The following SLC35G1 variants were observed in gnomAD, a reference collection of about 807,000 sequenced individuals.
SLC35G1 encodes the protein partner of STIM1.
In SLC35G1, 10 loss-of-function variants were observed where a neutral mutation model predicts 17.1. The ratio of observed to expected loss-of-function variants is 0.59; its 90% CI spans 0.36 to 0.99. The LOEUF (loss-of-function observed/expected upper bound fraction) is 0.99, where lower values mean the gene tolerates loss of function less well. Ranked by LOEUF, SLC35G1 falls within the 50% of genes least tolerant of loss-of-function variation. SLC35G1 has a pLI of 0.01. For synonymous variants in SLC35G1, 185 were observed against 181.1 expected, an observed-to-expected ratio of 1.02 and a Z score of -0.18; for missense variants, 433 against 468.4, an observed-to-expected ratio of 0.92 and a Z score of 0.70.
intron 1 of SLC35G1, among the ~76,000 whole-genome samples, chr10:93,898,369 A>C (rs557922848): frequency 4.6e-5 from 7 of 152,294 alleles, no homozygotes; most frequent in Admixed American, 3.3e-4. Context: ...GGCATTTTAA[A>C]AATGCAGGTT....
At chr10:93,900,698 T>G (rs1282567320) in intron 2 of SLC35G1, 54 bp from the exon 3 acceptor site, 27 of 1,411,960 alleles carry the variant, frequency 1.9e-5, no homozygotes, top group Non-Finnish European at 2.5e-5. Flanking sequence ...AAATTGTAAT[T>G]TAAAAACAAA....
rs2060301246 is a variant in SLC35G1 at position 93,893,996 on chromosome 10, C to T, written c.-38C>T. The T allele has an allele frequency of 7.5e-7, 1 of 1,341,274 alleles. No individual in the cohort carries two copies. Among genetic ancestry groups the T allele is most frequent in the Non-Finnish European group, 9.5e-7 (1 of 1,050,814 alleles). 83.1% of individuals were successfully genotyped at this position (1,341,274 alleles called of 1,614,324 possible). A position where few individuals can be genotyped will look rare whatever the true frequency, so the allele number is the denominator to read the frequency against. ...GCAGCCCAGGCGCTGCTGCTGGCGCCAGACGGCACCGGCCGCTGGTAGAGC... is the reference window on the plus strand; with the variant it reads ...GCAGCCCAGGCGCTGCTGCTGGCGCTAGACGGCACCGGCCGCTGGTAGAGC... On this transcript the variant is annotated 5_prime_UTR_variant, in exon 1 of 3. Coordinates refer to ENST00000427197, the MANE Select transcript of SLC35G1 (RefSeq NM_001134658.3).
chr10:93,897,206 T>C lies in SLC35G1; in HGVS notation c.179-1365T>C, dbSNP rs575779691. Among the ~76,000 whole-genome samples, 10 of 152,246 alleles carry C rather than the reference T, an allele frequency of 6.6e-5. No homozygotes were observed. The South Asian group carries it at 2.1e-3, about 32-fold the overall frequency. Reference sequence around the variant, plus strand: ...TAGAACAGGAAGAGGTAGAGAAGGGTGCCTTTGACCACAAGGCCAGGCTGT... The same window carrying C: ...TAGAACAGGAAGAGGTAGAGAAGGGCGCCTTTGACCACAAGGCCAGGCTGT... On this transcript the variant is annotated intron_variant, in intron 1 of 2. Transcript: ENST00000427197.
rs2060399864 is a variant in SLC35G1, at chr10:93,902,620, A to C, written c.*1130A>C. 6.5e-6 allele frequency: 1 copy of C among 152,746 alleles called. No individual in the cohort carries two copies. Among genetic ancestry groups the C allele is most frequent in the Non-Finnish European group, 1.5e-5 (1 of 68,030 alleles). The allele number at this position is 152,746 out of a possible 1,614,324, so 9.5% of individuals were successfully genotyped here. A position where few individuals can be genotyped will look rare whatever the true frequency, so the allele number is the denominator to read the frequency against. On this transcript the variant is annotated 3_prime_UTR_variant, in exon 3 of 3. Transcript: ENST00000427197. ...ATGTATTAAACTTATTTTTATAGTT[A>C]TGAAATTATGTGTAATAATGCTTTA...
chr10:93,908,942 A>G (rs2134075972), exon 3 of SLC35G1: 1 of 152,448 alleles, frequency 6.6e-6, no homozygotes, highest in African/African-American at 2.4e-5. Flanking sequence ...GCCAATCAGA[A>G]GAAAGGTGGC....
rs1266678958 is a variant in SLC35G1 at position 93,894,028 on chromosome 10, CGCGAGAT to C, written c.-2_5del. The C allele has an allele frequency of 4.2e-6, 6 of 1,415,530 alleles. No homozygotes were observed. The highest frequency in any genetic ancestry group is 5.5e-6 in the Non-Finnish European group (6 of 1,092,060). 87.7% of individuals were successfully genotyped at this position (1,415,530 alleles called of 1,614,324 possible). A position where few individuals can be genotyped will look rare whatever the true frequency, so the allele number is the denominator to read the frequency against. On this transcript the variant is annotated start_lost and 5_prime_UTR_variant, in exon 1 of 3. Coordinates refer to ENST00000427197, the MANE Select transcript of SLC35G1 (RefSeq NM_001134658.3). ...CACCGGCCGCTGGTAGAGCGCGTGC[CGCGAGAT>C]GCGGCCTCAGGACAGCACCGGGGTC...
chr10:93,901,251 T>C lies in SLC35G1; in HGVS notation c.859T>C (p.Phe287Leu). The C allele has an allele frequency of 1.2e-6, 2 of 1,613,970 alleles. No homozygotes were observed. Among genetic ancestry groups the C allele is most frequent in the Non-Finnish European group, 1.7e-6 (2 of 1,179,864 alleles). ...SLPYCGLDRL[F>L]LIFIGLFGLG... The stretch of plus-strand genomic sequence containing the variant: ...GCCTTACTGTGGGTTGGACAGGCTA[T>C]TTCTCATATTCATTGGGCTCTTTGG... Residue 287 changes from phenylalanine (F) to leucine (L), a missense_variant, in exon 3 of 3, where the codon TTT becomes CTT. Physicochemically the swap from Phe to Leu is conservative, Grantham distance 22 (BLOSUM62 0). Coordinates refer to ENST00000427197, the MANE Select transcript of SLC35G1 (RefSeq NM_001134658.3).
At chr10:93,899,538 C>T (rs572243804) in intron 2 of SLC35G1, among the ~76,000 whole-genome samples, 4 of 152,132 alleles carry the variant, frequency 2.6e-5, no homozygotes, top group Admixed American at 2.6e-4. Flanking sequence ...TGGTGGCTGC[C>T]TGGCTCTTTG....
chr10:93,901,160 G>T lies in SLC35G1; in HGVS notation c.768G>T (p.Trp256Cys). The change falls in exon 3 of 3, where the codon TGG becomes TGT. Residue 256 changes from tryptophan (W) to cysteine (C), a missense_variant. Trp to Cys is a radical substitution (Grantham distance 215). Transcript: ENST00000427197. ...CTGTGGACTACTTTCTGAGCATTTGGTATTATGTAGTACTTGGCCTCGTTG... is the reference window on the plus strand; with the variant it reads ...CTGTGGACTACTTTCTGAGCATTTGTTATTATGTAGTACTTGGCCTCGTTG... ...GKSVDYFLSIWYYVVLGLVES... is the reference protein window; with the variant it reads ...GKSVDYFLSICYYVVLGLVES... 1 of 1,614,062 alleles carries T rather than the reference G, an allele frequency of 6.2e-7. No individual in the cohort carries two copies. Among genetic ancestry groups the T allele is most frequent in the Non-Finnish European group, 8.5e-7 (1 of 1,179,964 alleles).
At position 93,900,901 on chromosome 10, in the gene SLC35G1, C is replaced by G; in HGVS notation, c.509C>G (p.Thr170Arg). Residue 170 changes from threonine to arginine, a missense_variant, in exon 3 of 3, where the codon ACG becomes AGG. Transcript: ENST00000427197. ...ATCACGTTTAGCAGTCCAGTGTTTA[C>G]GTCCATATTTGCTTGGATATGTCTC... is the stretch of plus-strand genomic sequence containing the variant. ...TVITFSSPVF[T>R]SIFAWICLKE... 6.2e-7 allele frequency: 1 copy of G among 1,613,996 alleles called. No individual in the cohort carries two copies.
Position 93,900,894 on chromosome 10 carries a change from G to C in SLC35G1, c.502G>C (p.Val168Leu). The change falls in exon 3 of 3, where the codon GTG becomes CTG. Residue 168 changes from valine to leucine, a missense_variant. Coordinates refer to ENST00000427197, the MANE Select transcript of SLC35G1 (RefSeq NM_001134658.3). The stretch of plus-strand genomic sequence containing the variant: ...CACAGTTATCACGTTTAGCAGTCCA[G>C]TGTTTACGTCCATATTTGCTTGGAT... ...DATVITFSSP[V>L]FTSIFAWICL... The C allele has an allele frequency of 6.2e-7, 1 of 1,614,022 alleles. No homozygotes were observed. The highest frequency in any genetic ancestry group is 8.5e-7 in the Non-Finnish European group (1 of 1,179,976).
rs955182996 is a variant in SLC35G1, at chr10:93,894,276, T to C, written c.178+65T>C. 1.8e-5 allele frequency: 23 copies of C among 1,293,916 alleles called. No homozygotes were observed. The African/African-American group carries it at 3.3e-4, about 18-fold the overall frequency. 80.2% of individuals were successfully genotyped at this position (1,293,916 alleles called of 1,614,324 possible). A position where few individuals can be genotyped will look rare whatever the true frequency, so the allele number is the denominator to read the frequency against. ...GGGTCCCGAGCGGGCGCCGGCGGGT[T>C]GGGGTCCCCGCAACCCGGGCACAGT... On this transcript the variant is annotated intron_variant, in intron 1 of 2. Transcript: ENST00000427197.
exon 3 of SLC35G1, chr10:93,909,515 A>G (rs1185148475): frequency 6.6e-6 from 1 of 151,940 alleles, no homozygotes; most frequent in Non-Finnish European, 1.5e-5. Flanking sequence ...TTTATTCCCC[A>G]AATCTTTGGT....
rs1045277315 is a variant in SLC35G1 at position 93,903,255 on chromosome 10, T to G, written c.*1765T>G. ...GATTTACAGTATTGGAATTTAGACT[T>G]GCAAAAACATCATTCTGCAAATATC... On this transcript the variant is annotated 3_prime_UTR_variant, in exon 3 of 3. Transcript: ENST00000427197. 4.5e-4 allele frequency: 68 copies of G among 152,302 alleles called. No individual in the cohort carries two copies. Among genetic ancestry groups the G allele is most frequent in the African/African-American group, 1.5e-3 (62 of 41,548 alleles). 9.4% of individuals were successfully genotyped at this position (152,302 alleles called of 1,614,324 possible). A position where few individuals can be genotyped will look rare whatever the true frequency, so the allele number is the denominator to read the frequency against.
Position 93,902,509 on chromosome 10 carries a change from AC to A in SLC35G1, c.*1022del, listed in dbSNP as rs2060398625. ...GAAAAACCATCGTTTCATATGATTC[AC>A]CCTAATAGATACCTCCATTATTCTC... is the stretch of plus-strand genomic sequence containing the variant. On this transcript the variant is annotated 3_prime_UTR_variant, in exon 3 of 3. Transcript: ENST00000427197. 1 of 152,568 alleles carries A rather than the reference AC, an allele frequency of 6.6e-6. No individual in the cohort carries two copies. The highest frequency in any genetic ancestry group is 3.2e-3 in the Middle Eastern group (1 of 316). The allele number at this position is 152,568 out of a possible 1,614,324, so 9.5% of individuals were successfully genotyped here. A position where few individuals can be genotyped will look rare whatever the true frequency, so the allele number is the denominator to read the frequency against.
Position 93,900,758 on chromosome 10 carries a change from G to A in SLC35G1, c.366G>A (p.Gly122=), listed in dbSNP as rs2060374639. 1 of 1,592,064 alleles carries A rather than the reference G, an allele frequency of 6.3e-7. No individual in the cohort carries two copies. The highest frequency in any genetic ancestry group is 1.7e-5 in the Admixed American group (1 of 58,366). The part of the protein sequence containing the change: ...VIPCLIYRKT[G]FIGPKGQRIF... ...TCTTCATTTGAATTTACAGAACTGG[G>A]TTTATAGGCCCAAAAGGTCAACGAA... The change falls in exon 3 of 3, where the codon GGG becomes GGA. Residue 122 remains glycine (G), a synonymous_variant. Transcript: ENST00000427197.
At chr10:93,895,997 T>C (rs892024869) in intron 1 of SLC35G1, among the ~76,000 whole-genome samples, 4 of 151,958 alleles carry the variant, frequency 2.6e-5, no homozygotes, top group African/African-American at 9.7e-5. Context: ...GAATTAATTT[T>C]TTTTTTTTTT....
In SLC35G1 at chr10:93,898,701, T is replaced by C. The variant is rs2060354615; in HGVS notation, c.309T>C (p.Phe103=). ...QDVHAVEISA[F]RCVFQMLVVI... Reference sequence around the variant, plus strand: ...TCCATGCTGTAGAGATTAGTGCGTTTCGATGTGTGTTCCAAATGCTAGTTG... The same window carrying C: ...TCCATGCTGTAGAGATTAGTGCGTTCCGATGTGTGTTCCAAATGCTAGTTG... The change falls in exon 2 of 3, where the codon TTT becomes TTC. Residue 103 remains phenylalanine (F), a synonymous_variant. Transcript: ENST00000427197. The C allele has an allele frequency of 1.2e-6, 2 of 1,612,594 alleles. No homozygotes were observed. The highest frequency in any genetic ancestry group is 1.7e-6 in the Non-Finnish European group (2 of 1,179,574).
chr10:93,899,664 C>G (rs2060364045), intron 2 of SLC35G1, among the ~76,000 whole-genome samples: 1 of 152,178 alleles, frequency 6.6e-6, no homozygotes, highest in Non-Finnish European at 1.5e-5. Flanking sequence ...CACTCCATAT[C>G]CTGATGATTT....
Sources: allele counts gnomAD v4.1 joint callset (sites outside exome capture counted in the v4.1 genomes callset), GRCh38; gene constraint gnomAD v4.1.1; transcripts MANE v1.5; gene names NCBI Gene and HGNC (gene_info 2026-07-23, HGNC 2026-07-21).